Variants in TIAM1 observed in about 807,000 individuals in gnomAD.
The protein encoded by TIAM1 is TIAM Rac1 associated GEF 1, also known as rho guanine nucleotide exchange factor TIAM1.
In TIAM1, 65 loss-of-function variants were observed where a neutral mutation model predicts 163.5. That is an observed-to-expected ratio of 0.40 (90% CI 0.33 to 0.49). The LOEUF is 0.49. TIAM1 is among the 20% of genes least tolerant of loss of function. The pLI, the probability that TIAM1 is intolerant of heterozygous loss-of-function variation, is 0.77. For synonymous variants in TIAM1, 833 were observed against 810.1 expected, an observed-to-expected ratio of 1.03 and a Z score of -0.48; for missense variants, 1,789 against 2,044.7, an observed-to-expected ratio of 0.87 and a Z score of 2.41.
chr21:31,124,806 C>G lies in TIAM1; in HGVS notation c.4134-112G>C, dbSNP rs556487571. 51 of 927,926 alleles carry G rather than the reference C, an allele frequency of 5.5e-5. 1 individual carries two copies. The Admixed American group carries it at 8.3e-4, about 15-fold the overall frequency. 57.5% of individuals were successfully genotyped at this position (927,926 alleles called of 1,614,324 possible). A position where few individuals can be genotyped will look rare whatever the true frequency, so the allele number is the denominator to read the frequency against. On this transcript the variant is annotated intron_variant, in intron 26 of 27. Coordinates refer to ENST00000541036, the MANE Select transcript of TIAM1 (RefSeq NM_001353694.2). The stretch of plus-strand genomic sequence containing the variant: ...ATCCCTTAGGGCCAAAGGCTAAAGA[C>G]TGAGGCCTTGACTCCAATTTCTATG...
At chr21:31,129,978 C>T (rs2146229748) in intron 25 of TIAM1, among the ~76,000 whole-genome samples, 1 of 152,016 alleles carries the variant, frequency 6.6e-6, no homozygotes, top group Non-Finnish European at 1.5e-5. Context: ...CATTACACAT[C>T]CATTCACTCA....
chr21:31,187,829 A>T (rs2085374765), intron 13 of TIAM1, among the ~76,000 whole-genome samples: 1 of 152,190 alleles, frequency 6.6e-6, no homozygotes, highest in Non-Finnish European at 1.5e-5. Flanking sequence ...TCCTGTTTCC[A>T]GACCGCCTCA....
intron 20 of TIAM1, among the ~76,000 whole-genome samples, chr21:31,144,315 C>T (rs1048707716): frequency 1.3e-5 from 2 of 152,222 alleles, no homozygotes; most frequent in African/African-American, 4.8e-5. Context: ...GACCTAGGAA[C>T]TCTTCCCCAA....
intron 1 of TIAM1, among the ~76,000 whole-genome samples, chr21:31,464,533 C>G (rs148189328): frequency 2.6e-5 from 4 of 152,026 alleles, no homozygotes; most frequent in Non-Finnish European, 5.9e-5. Flanking sequence ...CACGGCAAAA[C>G]GCTGTCTCTA....
intron 3 of TIAM1, among the ~76,000 whole-genome samples, chr21:31,271,878 T>C (rs991425183): frequency 6.6e-6 from 1 of 152,154 alleles, no homozygotes; most frequent in Admixed American, 6.5e-5. Flanking sequence ...TGATTTTTCT[T>C]TTCTTACCAA....
chr21:31,339,955 G>C (rs1396939889), intron 1 of TIAM1, among the ~76,000 whole-genome samples: 2 of 152,066 alleles, frequency 1.3e-5, no homozygotes, highest in Admixed American at 6.6e-5. Context: ...GCATTGGCTA[G>C]AACAAAATAG....
At position 31,371,601 on chromosome 21, in the gene TIAM1, A is replaced by G. The variant is rs79508207; in HGVS notation, c.-368-32179T>C. 6.9e-3 allele frequency among the ~76,000 whole-genome samples: 1,050 copies of G among 152,314 alleles called. 7 individuals carry two copies. The highest frequency in any genetic ancestry group is 0.023 in the African/African-American group (948 of 41,552). On this transcript the variant is annotated intron_variant, in intron 2 of 28. Coordinates refer to the TIAM1 transcript ENST00000286827. ...GAGCAACGTTTCTCTAGAAAAAGATAGATTTTCAACCTTAAAAAGAACTAA... is the reference window on the plus strand; with the variant it reads ...GAGCAACGTTTCTCTAGAAAAAGATGGATTTTCAACCTTAAAAAGAACTAA...
chr21:31,475,505 C>T (rs1363660175), intron 1 of TIAM1, among the ~76,000 whole-genome samples: 1 of 152,204 alleles, frequency 6.6e-6, no homozygotes, highest in Non-Finnish European at 1.5e-5. Context: ...TTTTCTTCAT[C>T]TCTTCCCCTT....
intron 1 of TIAM1, among the ~76,000 whole-genome samples, chr21:31,524,242 T>A (rs1321800750): frequency 6.6e-6 from 1 of 152,148 alleles, no homozygotes; most frequent in Non-Finnish European, 1.5e-5. Flanking sequence ...TGGGAAAGCC[T>A]CAGGGAGCTT....
chr21:31,449,945 G>A (rs1361719853), intron 2 of TIAM1, among the ~76,000 whole-genome samples: 2 of 152,206 alleles, frequency 1.3e-5, no homozygotes, highest in African/African-American at 4.8e-5. Flanking sequence ...TGAGAGGAAG[G>A]CCAGAGGGGC....
Position 31,449,213 on chromosome 21 carries a change from C to G in TIAM1, c.-369+14770G>C, listed in dbSNP as rs769563926. 3.3e-5 allele frequency among the ~76,000 whole-genome samples: 5 copies of G among 152,142 alleles called. No individual in the cohort carries two copies. The South Asian group carries it at 1.0e-3, about 32-fold the overall frequency. On this transcript the variant is annotated intron_variant, in intron 2 of 28. Coordinates refer to the TIAM1 transcript ENST00000286827. Reference sequence around the variant, plus strand: ...CTCCTGGGCTCAAGTGATCGTCACACTGTTGTTTCCCAAAGTGCTGGGATC... The same window carrying G: ...CTCCTGGGCTCAAGTGATCGTCACAGTGTTGTTTCCCAAAGTGCTGGGATC...
chr21:31,217,619 C>T lies in TIAM1; in HGVS notation c.2076G>A (p.Arg692=). The T allele has an allele frequency of 1.9e-6, 3 of 1,614,112 alleles. 1 individual carries two copies. The East Asian group carries it at 6.7e-5, about 36-fold the overall frequency. Residue 692 remains arginine, a synonymous_variant, in exon 9 of 28, where the codon AGG becomes AGA. Coordinates refer to ENST00000541036, the MANE Select transcript of TIAM1 (RefSeq NM_001353694.2). ...MSRSASKRRS[R]FSSLWGLDTT... is the part of the protein sequence containing the mutation. Reference sequence around the variant, plus strand: ...TATCCAGACCCCACAGAGAAGAAAACCTGCTCCTTCGCTTGCTCGCGGATC... The same window carrying T: ...TATCCAGACCCCACAGAGAAGAAAATCTGCTCCTTCGCTTGCTCGCGGATC...
chr21:31,385,947 C>G (rs2076863945), intron 2 of TIAM1, among the ~76,000 whole-genome samples: 1 of 146,126 alleles, frequency 6.8e-6, no homozygotes, highest in East Asian at 2.0e-4. Flanking sequence ...GTTATTTATA[C>G]TGGTATTAAT....
intron 2 of TIAM1, among the ~76,000 whole-genome samples, chr21:31,299,790 G>A (rs2074431768): frequency 6.6e-6 from 1 of 152,110 alleles, no homozygotes; most frequent in Non-Finnish European, 1.5e-5. Context: ...ACATCACCAA[G>A]CCTCGGTTTC....
At chr21:31,132,730 C>T (rs890457658) in intron 23 of TIAM1, among the ~76,000 whole-genome samples, 1 of 152,124 alleles carries the variant, frequency 6.6e-6, no homozygotes, top group Non-Finnish European at 1.5e-5. Flanking sequence ...CCCTAATCCT[C>T]GGAGCTAGTG....
chr21:31,198,885 T>C (rs2086030429), intron 12 of TIAM1, among the ~76,000 whole-genome samples: 2 of 152,216 alleles, frequency 1.3e-5, no homozygotes, highest in Non-Finnish European at 2.9e-5. Context: ...CTTAGGCTGG[T>C]TGGACTAAAG....
intron 6 of TIAM1, among the ~76,000 whole-genome samples, chr21:31,242,817 C>T (rs1257609770): frequency 7.2e-6 from 1 of 139,766 alleles, no homozygotes; most frequent in Non-Finnish European, 1.5e-5. Flanking sequence ...AAAATCAGTG[C>T]ACCACTGCAC....
intron 2 of TIAM1, among the ~76,000 whole-genome samples, chr21:31,442,382 G>A (rs186259024): frequency 4.6e-5 from 7 of 151,644 alleles, no homozygotes; most frequent in Non-Finnish European, 8.8e-5. Context: ...ACAGGTGCAC[G>A]CCACCATGCC....
At chr21:31,440,740 G>A (rs984899136) in intron 2 of TIAM1, among the ~76,000 whole-genome samples, 7 of 152,158 alleles carry the variant, frequency 4.6e-5, no homozygotes, top group African/African-American at 1.4e-4. Context: ...AATTAGCTGG[G>A]TGTGGTGGCG....
Sources: allele counts gnomAD v4.1 joint callset (sites outside exome capture counted in the v4.1 genomes callset), GRCh38; gene constraint gnomAD v4.1.1; transcripts MANE v1.5; gene names NCBI Gene and HGNC (gene_info 2026-07-23, HGNC 2026-07-21).